KRT72: variants seen among roughly 807,000 people sequenced by gnomAD.
KRT72 encodes the protein keratin, type II cytoskeletal 72.
Under a neutral mutation model 44.7 loss-of-function variants are expected in KRT72, and 44 were observed. The ratio of observed to expected loss-of-function variants is 0.98; its 90% CI spans 0.77 to 1.27. The LOEUF (loss-of-function observed/expected upper bound fraction) is 1.27. KRT72 is among the 50% of genes most tolerant of loss of function. KRT72 has a pLI of 0.00. For synonymous variants in KRT72, 302 were observed against 280.4 expected (o/e 1.08, Z -0.77); for missense variants, 736 against 667.1 (o/e 1.10, Z -1.14).
At chr12:52,590,184 A>G (rs1939942493) in intron 6 of KRT72, among the ~76,000 whole-genome samples, 1 of 152,170 alleles carries the variant, frequency 6.6e-6, no homozygotes, top group African/African-American at 2.4e-5. Flanking sequence ...ATGTGGTTGC[A>G]CGGGTACTAC....
chr12:52,600,559 C>T (rs1234830569), intron 1 of KRT72, among the ~76,000 whole-genome samples: 2 of 152,138 alleles, frequency 1.3e-5, no homozygotes, highest in Non-Finnish European at 2.9e-5. Context: ...TCCTGCTATT[C>T]TCCTAATAGT....
At chr12:52,592,311 T>C in intron 4 of KRT72, 85 bp downstream of exon 4, 2 of 927,968 alleles carry the variant, frequency 2.2e-6, no homozygotes, top group East Asian at 4.9e-5. Context: ...CTCCCAATTC[T>C]TGGTCCACAC....
chr12:52,590,999 C>T (rs768141295), intron 5 of KRT72, 38 bp from the exon 6 acceptor site: 5 of 1,551,416 alleles, frequency 3.2e-6, no homozygotes, highest in Non-Finnish European at 4.4e-6. Flanking sequence ...ACACAAGGAT[C>T]CTACTGAACT....
intron 1 of KRT72, chr12:52,599,559 A>G (rs932789555): frequency 2.5e-5 from 11 of 432,192 alleles, no homozygotes; most frequent in Non-Finnish European, 4.2e-5. Flanking sequence ...AAGTTACCAC[A>G]TCTTCACAAA....
intron 6 of KRT72, among the ~76,000 whole-genome samples, chr12:52,590,507 C>T (rs1033688938): frequency 6.6e-6 from 1 of 152,202 alleles, no homozygotes; most frequent in African/African-American, 2.4e-5. Flanking sequence ...ATAGGCAAGC[C>T]CACCTGCACA....
At position 52,591,598 on chromosome 12, in the gene KRT72, C is replaced by T. The variant is rs548680308; in HGVS notation, c.829G>A (p.Asp277Asn). 3.2e-5 allele frequency: 52 copies of T among 1,613,460 alleles called. No homozygotes were observed. The highest frequency in any genetic ancestry group is 3.2e-4 in the Admixed American group (19 of 60,010). Residue 277 changes from aspartate (D) to asparagine (N), a missense_variant, in exon 5 of 9, where the codon GAC (aspartate) becomes AAC (asparagine). Asp to Asn is a conservative substitution (Grantham distance 23, BLOSUM62 1). Transcript: ENST00000293745. ...TCCATTGACAGGACGATGGACGTGT[C>T]GCTGATGTGGGACTGGATCTGAGTG... is the stretch of plus-strand genomic sequence containing the variant. ...EITQIQSHIS[D>N]TSIVLSMDNN... is the part of the protein sequence containing the mutation.
In KRT72 at chr12:52,586,929, G is replaced by A. The variant is rs1454804587; in HGVS notation, c.1345+17C>T. 6.2e-7 allele frequency: 1 copy of A among 1,611,618 alleles called. No homozygotes were observed. Among genetic ancestry groups the A allele is most frequent in the Non-Finnish European group, 8.5e-7 (1 of 1,177,858 alleles). ...GTAAGGTGACCAAGGGCAGAACTGA[G>A]ATCTGCAGATACTTACAGATGCTCA... is the stretch of plus-strand genomic sequence containing the variant. On this transcript the variant is annotated intron_variant, in intron 8 of 8. Transcript: ENST00000293745.
At chr12:52,594,896 A>T (rs605494) in intron 2 of KRT72, among the ~76,000 whole-genome samples, 6,017 of 152,310 alleles carry the variant, frequency 0.04, 154 homozygotes, top group African/African-American at 0.073. Context: ...TATATGATTT[A>T]TCCCAGATTC....
chr12:52,587,561 G>A, intron 7 of KRT72, 70 bp downstream of exon 7: 1 of 1,533,594 alleles, frequency 6.5e-7, no homozygotes, highest in Non-Finnish European at 9.0e-7. Flanking sequence ...GGACCAAACT[G>A]TTTGCCTTGG....
At chr12:52,587,885 A>G (rs1424697258) in intron 6 of KRT72, 34 bp from the exon 7 acceptor site, 2 of 1,596,198 alleles carry the variant, frequency 1.3e-6, no homozygotes, top group African/African-American at 1.3e-5. Flanking sequence ...CTTAAGAGTC[A>G]GAGCCCAGTT....
At chr12:52,586,618 C>A (rs1458499095) in intron 8 of KRT72, among the ~76,000 whole-genome samples, 2 of 152,242 alleles carry the variant, frequency 1.3e-5, no homozygotes, top group African/African-American at 4.8e-5. Context: ...CATCACTCAA[C>A]CCTTCAGGCC....
At chr12:52,590,452 C>G (rs771105249) in intron 6 of KRT72, among the ~76,000 whole-genome samples, 1 of 152,210 alleles carries the variant, frequency 6.6e-6, no homozygotes, top group Non-Finnish European at 1.5e-5. Context: ...AGTGGTGTAC[C>G]CTGCTCCCTG....
In KRT72 at chr12:52,585,951, C is replaced by G. The variant is rs768348120; in HGVS notation, c.*31G>C. The G allele has an allele frequency of 6.3e-7, 1 of 1,589,268 alleles. No individual in the cohort carries two copies. The highest frequency in any genetic ancestry group is 1.1e-5 in the South Asian group (1 of 88,580). On this transcript the variant is annotated 3_prime_UTR_variant, in exon 9 of 9. Transcript: ENST00000293745. Reference sequence around the variant, plus strand: ...GGGAGGAGACGGGTGAGTTGGGAAGCCTTCTGCTCACAGAGCCAACCACTT... The same window carrying G: ...GGGAGGAGACGGGTGAGTTGGGAAGGCTTCTGCTCACAGAGCCAACCACTT...
At chr12:52,594,255 C>A (rs574042034) in intron 2 of KRT72, among the ~76,000 whole-genome samples, 1 of 152,138 alleles carries the variant, frequency 6.6e-6, no homozygotes, top group African/African-American at 2.4e-5. Context: ...CATCCCATTA[C>A]CGGGTATATA....
chr12:52,598,232 T>A (rs1357561463), intron 2 of KRT72, among the ~76,000 whole-genome samples: 1 of 152,184 alleles, frequency 6.6e-6, no homozygotes. Context: ...AATTTCAGAA[T>A]AGGGATGGGC....
intron 7 of KRT72, 37 bp downstream of exon 7, chr12:52,587,594 A>C (rs1374740416): frequency 6.2e-7 from 1 of 1,609,094 alleles, no homozygotes. Flanking sequence ...AAGCAGAGAG[A>C]AAACTGGTCC....
Position 52,592,901 on chromosome 12 carries a change from C to T in KRT72, c.693G>A (p.Val231=), listed in dbSNP as rs762841043. ...RRTAAENEFV[V]LKKDVDAAYM... ...CTGGCACCCCTCTTACCTTCTTGAGCACCACAAACTCATTCTCAGCAGCTG... is the reference window on the plus strand; with the variant it reads ...CTGGCACCCCTCTTACCTTCTTGAGTACCACAAACTCATTCTCAGCAGCTG... Residue 231 remains valine, a synonymous_variant, in exon 3 of 9, where the codon GTG becomes GTA. Coordinates refer to ENST00000293745, the MANE Select transcript of KRT72 (RefSeq NM_080747.3). 6.2e-7 allele frequency: 1 copy of T among 1,613,728 alleles called. No homozygotes were observed. Among genetic ancestry groups the T allele is most frequent in the East Asian group, 2.2e-5 (1 of 44,884 alleles).
chr12:52,599,817 G>A lies in KRT72; in HGVS notation c.427-705C>T, dbSNP rs150228859. 7.4e-4 allele frequency among the ~76,000 whole-genome samples: 112 copies of A among 152,246 alleles called. 1 individual carries two copies. The highest frequency in any genetic ancestry group is 2.6e-3 in the African/African-American group (107 of 41,534). On this transcript the variant is annotated intron_variant, in intron 1 of 8. Transcript: ENST00000293745. ...CTTCCCTAGCATAGTGGTGACACTC[G>A]GTCCACCACCAACTGTCCTGTCCAA...
Position 52,601,041 on chromosome 12 carries a change from A to G in KRT72, c.412T>C (p.Ser138Pro). 2 of 1,611,896 alleles carry G rather than the reference A, an allele frequency of 1.2e-6. No homozygotes were observed. Among genetic ancestry groups the G allele is most frequent in the Non-Finnish European group, 1.7e-6 (2 of 1,179,280 alleles). The stretch of plus-strand genomic sequence containing the variant: ...CGAGGACTCACCTTGTCGATGAAGG[A>G]GGCGAACTTGTTGTTTAGCGCCTTG... ...QIKALNNKFA[S>P]FIDKVRFLEQ... Residue 138 changes from serine to proline, a missense_variant, in exon 1 of 9, where the codon TCC (serine) becomes CCC (proline). Ser to Pro is a moderately conservative substitution (Grantham distance 74, BLOSUM62 -1). Coordinates refer to ENST00000293745, the MANE Select transcript of KRT72 (RefSeq NM_080747.3).
Sources: gnomAD v4.1 joint callset for allele counts (sites outside exome capture counted in the v4.1 genomes callset) on GRCh38, gnomAD v4.1.1 for gene constraint, MANE v1.5 for transcripts, NCBI Gene and HGNC (gene_info 2026-07-23, HGNC 2026-07-21) for gene names.